The following NCOA2 variants were observed in gnomAD, a reference collection of about 807,000 sequenced individuals.
The protein encoded by NCOA2 is class E basic helix-loop-helix protein 75.
In NCOA2, 21 loss-of-function variants were observed where a neutral mutation model predicts 145.1. The observed-to-expected ratio is 0.14, with a 90% CI of 0.10 to 0.21. The LOEUF is 0.21. NCOA2 is among the 10% of genes least tolerant of loss of function. NCOA2 has a pLI of 1.00. For synonymous variants in NCOA2, 619 were observed against 637.5 expected (o/e 0.97, Z 0.44); for missense variants, 1,472 against 1,837.6 (o/e 0.80, Z 3.64).
At position 70,153,817 on chromosome 8, in the gene NCOA2, T is replaced by A. The variant is rs533079135; in HGVS notation, c.2394+2154A>T. Among the ~76,000 whole-genome samples, 4 of 152,360 alleles carry A rather than the reference T, an allele frequency of 2.6e-5. No homozygotes were observed. The East Asian group carries it at 7.7e-4, about 29-fold the overall frequency. ...TCCCCATTTAATGATTTTACAGTGT[T>A]ACGGAACAGCTGCTAATAGAACCTT... On this transcript the variant is annotated intron_variant, in intron 11 of 22. Transcript: ENST00000452400.
intron 1 of NCOA2, among the ~76,000 whole-genome samples, chr8:70,337,200 AGTGTGTGTGTGTGT>A (rs72265721): frequency 1.0e-4 from 15 of 146,226 alleles, no homozygotes; most frequent in Admixed American, 1.4e-4. Context: ...ACTGCTGAGG[AGTGTGTGTGTGTGT>A]GTGTGTGTGT....
intron 4 of NCOA2, among the ~76,000 whole-genome samples, chr8:70,213,631 T>C (rs551113609): frequency 1.3e-5 from 2 of 152,276 alleles, no homozygotes; most frequent in East Asian, 3.9e-4. Flanking sequence ...GGGAGGAGAA[T>C]TGTGGGCACC....
intron 1 of NCOA2, among the ~76,000 whole-genome samples, chr8:70,334,410 C>G (rs1439794610): frequency 6.6e-6 from 1 of 152,174 alleles, no homozygotes; most frequent in East Asian, 1.9e-4. Flanking sequence ...ATTAGCTCTA[C>G]CTATTAACAT....
chr8:70,312,219 T>C (rs1805187240), intron 1 of NCOA2, among the ~76,000 whole-genome samples: 1 of 152,230 alleles, frequency 6.6e-6, no homozygotes, highest in East Asian at 1.9e-4. Flanking sequence ...TATTTTTAAA[T>C]GAATATACTG....
At chr8:70,255,826 A>C (rs1017885328) in intron 2 of NCOA2, among the ~76,000 whole-genome samples, 8 of 152,196 alleles carry the variant, frequency 5.3e-5, no homozygotes, top group Admixed American at 4.6e-4. Flanking sequence ...CAGATTAGGC[A>C]TAACGATGAA....
chr8:70,285,778 A>G (rs1437498057), intron 2 of NCOA2, among the ~76,000 whole-genome samples: 1 of 152,224 alleles, frequency 6.6e-6, no homozygotes, highest in East Asian at 1.9e-4. Flanking sequence ...GACTAAATTG[A>G]AAAATGCTAC....
chr8:70,376,055 T>C lies in NCOA2; in HGVS notation c.-77+27645A>G, dbSNP rs1811637482. Among the ~76,000 whole-genome samples, 3 of 152,296 alleles carry C rather than the reference T, an allele frequency of 2.0e-5. No homozygotes were observed. In the South Asian group the frequency reaches 6.2e-4, roughly 32 times the overall value. On this transcript the variant is annotated intron_variant, in intron 1 of 22. Transcript: ENST00000452400. The stretch of plus-strand genomic sequence containing the variant: ...CTTCCATTCAACTTTAGTAGTAAAA[T>C]ACCTCAGTCCATAGGAACACTGTCT...
upstream of NCOA2, among the ~76,000 whole-genome samples, chr8:70,404,775 T>G (rs1468012003): frequency 6.6e-6 from 1 of 152,184 alleles, no homozygotes; most frequent in Non-Finnish European, 1.5e-5. Flanking sequence ...CGTAGGAGAT[T>G]GGCACTGAAA....
intron 4 of NCOA2, 63 bp downstream of exon 4, chr8:70,213,840 T>C (rs1257034809): frequency 1.4e-6 from 2 of 1,382,644 alleles, no homozygotes; most frequent in Non-Finnish European, 2.0e-6. Context: ...CTGAAGGGAC[T>C]TCTCACACAG....
chr8:70,156,944 C>A lies in NCOA2; in HGVS notation c.1421G>T (p.Ser474Ile), dbSNP rs1414427883. The change falls in exon 11 of 23, where the codon AGC becomes ATC. Residue 474 changes from serine to isoleucine, a missense_variant. Around this residue, in one of 4 missense-constraint regions of NCOA2, gnomAD observed 953 missense variants for 1,062.1 expected, o/e 0.90. Transcript: ENST00000452400. Reference sequence around the variant, plus strand: ...GGGCTGTCCTGGATTCATGCCAGGGCTGCTTTGTGAGGGGCTGTTCATTTT... The same window carrying A: ...GGGCTGTCCTGGATTCATGCCAGGGATGCTTTGTGAGGGGCTGTTCATTTT... ...ALKMNSPSQSSPGMNPGQPTS... is the reference protein window; with the variant it reads ...ALKMNSPSQSIPGMNPGQPTS... 6.2e-7 allele frequency: 1 copy of A among 1,614,040 alleles called. No homozygotes were observed.
intron 4 of NCOA2, among the ~76,000 whole-genome samples, chr8:70,194,395 CA>C (rs1281214863): frequency 6.6e-6 from 1 of 152,136 alleles, no homozygotes; most frequent in Admixed American, 6.5e-5. Flanking sequence ...TGACTATCTG[CA>C]AAGTCTGTTT....
intron 1 of NCOA2, among the ~76,000 whole-genome samples, chr8:70,378,825 G>C (rs1034675215): frequency 6.6e-6 from 1 of 150,424 alleles, no homozygotes; most frequent in Non-Finnish European, 1.5e-5. Context: ...ATGCTGACTA[G>C]TAATTGTGAA....
rs1810113330 is a variant in NCOA2 at position 70,360,617 on chromosome 8, A to C, written c.-77+43083T>G. Among the ~76,000 whole-genome samples the C allele has an allele frequency of 2.0e-5, 3 of 152,258 alleles. No individual in the cohort carries two copies. In the South Asian group the frequency reaches 6.2e-4, roughly 32 times the overall value. ...AACCATTCATTTCCACATAAACAGAAGACTGCAATATAATCTGTCATTTAA... is the reference window on the plus strand; with the variant it reads ...AACCATTCATTTCCACATAAACAGACGACTGCAATATAATCTGTCATTTAA... On this transcript the variant is annotated intron_variant, in intron 1 of 22. Coordinates refer to ENST00000452400, the MANE Select transcript of NCOA2 (RefSeq NM_006540.4).
intron 4 of NCOA2, among the ~76,000 whole-genome samples, chr8:70,184,917 A>AT (rs1484193237): frequency 6.6e-6 from 1 of 152,146 alleles, no homozygotes; most frequent in African/African-American, 2.4e-5. Context: ...TTCTGGGGCC[A>AT]TATCTTCCAT....
At chr8:70,340,675 C>CA (rs1193358261) in intron 1 of NCOA2, among the ~76,000 whole-genome samples, 1 of 152,050 alleles carries the variant, frequency 6.6e-6, no homozygotes, top group Non-Finnish European at 1.5e-5. Context: ...TTCACAATAG[C>CA]AAAGACATGG....
chr8:70,129,902 T>TCC (rs1370965524), intron 16 of NCOA2, among the ~76,000 whole-genome samples: 1 of 152,208 alleles, frequency 6.6e-6, no homozygotes, highest in Non-Finnish European at 1.5e-5. Flanking sequence ...ACTCCCAACC[T>TCC]CAGGTGATCT....
At chr8:70,308,147 A>G (rs901667790) in intron 1 of NCOA2, among the ~76,000 whole-genome samples, 2 of 152,196 alleles carry the variant, frequency 1.3e-5, no homozygotes, top group African/African-American at 4.8e-5. Flanking sequence ...TTTTAAAACT[A>G]AAAGAAAAAA....
At chr8:70,369,166 A>G (rs1230935067) in intron 1 of NCOA2, among the ~76,000 whole-genome samples, 1 of 152,264 alleles carries the variant, frequency 6.6e-6, no homozygotes, top group African/African-American at 2.4e-5. Context: ...AATAGACTTC[A>G]CTTGAAACTC....
the NCOA2 span, among the ~76,000 whole-genome samples, chr8:70,450,715 G>T: frequency 6.6e-6 from 1 of 150,714 alleles, no homozygotes. Flanking sequence ...GAGTAGCTGG[G>T]ATTACAGGGG....
Sources: gnomAD v4.1 joint callset for allele counts (sites outside exome capture counted in the v4.1 genomes callset) on GRCh38, gnomAD v4.1.1 for gene constraint, gnomAD v4.1.1 regional missense constraint, MANE v1.5 for transcripts, NCBI Gene and HGNC (gene_info 2026-07-23, HGNC 2026-07-21) for gene names.